MEGF10: variants seen among roughly 807,000 people sequenced by gnomAD.
MEGF10 encodes multiple EGF like domains 10, also known as multiple epidermal growth factor-like domains protein 10.
A neutral mutation model predicts 147.5 loss-of-function variants in MEGF10; 86 were observed. The ratio of observed to expected loss-of-function variants is 0.58; its 90% confidence interval spans 0.49 to 0.70. The LOEUF (loss-of-function observed/expected upper bound fraction) is 0.70, where lower values mean the gene tolerates loss of function less well. Ranked by LOEUF, MEGF10 falls within the 30% of genes least tolerant of loss-of-function variation. The pLI, the probability that MEGF10 is intolerant of heterozygous loss-of-function variation, is 0.00. For missense variants in MEGF10, 1,329 were observed against 1,487.3 expected (o/e 0.89, Z 1.75); for synonymous variants, 478 against 525.5 (o/e 0.91, Z 1.24).
At chr5:127,379,807 C>T (rs1222961097) in intron 5 of MEGF10, among the ~76,000 whole-genome samples, 7 of 151,914 alleles carry the variant, frequency 4.6e-5, no homozygotes, top group African/African-American at 1.7e-4. Flanking sequence ...ACCATGTTGG[C>T]CAGGCTGGTC....
upstream of MEGF10, among the ~76,000 whole-genome samples, chr5:127,285,863 A>T (rs1016042760): frequency 2.0e-5 from 3 of 152,148 alleles, no homozygotes; most frequent in African/African-American, 7.2e-5. Flanking sequence ...CCTGTGCCCC[A>T]TGCTTATTGC....
At chr5:127,455,328 C>T in intron 23 of MEGF10, 73 bp from the exon 24 acceptor site, 2 of 1,268,178 alleles carry the variant, frequency 1.6e-6, no homozygotes, top group Admixed American at 2.0e-5. Context: ...TAAAGAAAAA[C>T]AGTAAAATAT....
At chr5:127,241,227 T>A in the MEGF10 span, among the ~76,000 whole-genome samples, 1 of 152,162 alleles carries the variant, frequency 6.6e-6, no homozygotes, top group African/African-American at 2.4e-5. Context: ...CAAATTAACT[T>A]AAGCAACAAA....
intron 1 of MEGF10, among the ~76,000 whole-genome samples, chr5:127,330,513 C>A (rs1046381303): frequency 6.6e-6 from 1 of 152,144 alleles, no homozygotes; most frequent in Non-Finnish European, 1.5e-5. Flanking sequence ...CTTTGCCAGC[C>A]TATCTATTTT....
chr5:127,255,156 G>A, the MEGF10 span, among the ~76,000 whole-genome samples: 19 of 151,992 alleles, frequency 1.3e-4, no homozygotes, highest in African/African-American at 4.3e-4. Flanking sequence ...TGAATCATGA[G>A]TCACAGGTCC....
At chr5:127,256,717 C>T in the MEGF10 span, among the ~76,000 whole-genome samples, 1 of 152,098 alleles carries the variant, frequency 6.6e-6, no homozygotes, top group Admixed American at 6.6e-5. Context: ...TAACTTATAT[C>T]ACATGGTCTA....
chr5:127,357,253 C>T (rs1052080463), intron 4 of MEGF10, among the ~76,000 whole-genome samples: 26 of 152,132 alleles, frequency 1.7e-4, no homozygotes, highest in African/African-American at 5.8e-4. Flanking sequence ...TTCTAGACCT[C>T]TCCCCCAAAT....
the MEGF10 span, among the ~76,000 whole-genome samples, chr5:127,239,519 T>C: frequency 1.3e-5 from 2 of 148,256 alleles, no homozygotes; most frequent in African/African-American, 4.9e-5. Context: ...GTATATACTT[T>C]ATATATATAT....
intron 4 of MEGF10, among the ~76,000 whole-genome samples, chr5:127,359,402 C>T (rs770054597): frequency 1.3e-5 from 2 of 151,748 alleles, no homozygotes; most frequent in Non-Finnish European, 2.9e-5. Flanking sequence ...ATACAATAAG[C>T]TGCACATTTT....
intron 5 of MEGF10, among the ~76,000 whole-genome samples, chr5:127,395,631 G>A (rs189635482): frequency 1.3e-4 from 17 of 132,254 alleles, no homozygotes; most frequent in Non-Finnish European, 2.0e-4. Context: ...TGCCAGCTCC[G>A]CCTCCCGGGT....
chr5:127,400,591 A>T (rs1174390521), intron 7 of MEGF10, among the ~76,000 whole-genome samples: 1 of 152,250 alleles, frequency 6.6e-6, no homozygotes, highest in Non-Finnish European at 1.5e-5. Context: ...CAGAGTGTTG[A>T]GAACTCCATG....
chr5:127,420,342 G>C (rs1206699376), intron 12 of MEGF10, 135 bp downstream of exon 12: 1 of 936,256 alleles, frequency 1.1e-6, no homozygotes, highest in South Asian at 1.8e-5. Context: ...GAAGAATCCA[G>C]GTATTTGGAT....
chr5:127,367,270 G>C (rs1380652702), intron 4 of MEGF10, among the ~76,000 whole-genome samples: 1 of 152,132 alleles, frequency 6.6e-6, no homozygotes, highest in Non-Finnish European at 1.5e-5. Flanking sequence ...AGTGAATTGA[G>C]ACCTGTCCAT....
At chr5:127,449,784 T>C (rs1034437695) in intron 22 of MEGF10, among the ~76,000 whole-genome samples, 2 of 152,126 alleles carry the variant, frequency 1.3e-5, no homozygotes, top group African/African-American at 4.8e-5. Context: ...TCGGGCAACT[T>C]TTTGAAATTA....
chr5:127,322,957 CACATACAATGTGTGTATAT>C (rs1458048627), intron 1 of MEGF10, among the ~76,000 whole-genome samples: 2 of 152,056 alleles, frequency 1.3e-5, no homozygotes, highest in African/African-American at 4.8e-5. Context: ...TGTGTGTATA[CACATACAATGTGTGTATAT>C]ATATATACAT....
chr5:127,338,702 T>C (rs1317802407), intron 2 of MEGF10, among the ~76,000 whole-genome samples: 1 of 152,152 alleles, frequency 6.6e-6, no homozygotes, highest in African/African-American at 2.4e-5. Context: ...ACTCTATTAC[T>C]TTACTTGAAT....
chr5:127,299,644 T>G (rs1378782128), intron 1 of MEGF10, among the ~76,000 whole-genome samples: 1 of 152,238 alleles, frequency 6.6e-6, no homozygotes, highest in Non-Finnish European at 1.5e-5. Context: ...TGAAAAAGTA[T>G]GTCATTCATT....
intron 4 of MEGF10, among the ~76,000 whole-genome samples, chr5:127,349,337 A>AT (rs937109809): frequency 2.0e-5 from 3 of 152,080 alleles, no homozygotes; most frequent in Non-Finnish European, 4.4e-5. Context: ...CTTGATATTT[A>AT]TTTTTATACG....
At chr5:127,421,959 G>A (rs1223661909) in intron 12 of MEGF10, among the ~76,000 whole-genome samples, 95 of 142,292 alleles carry the variant, frequency 6.7e-4, no homozygotes, top group African/African-American at 2.2e-3. Context: ...ACTGCCGTCC[G>A]GCCTGGGTGA....
Sources: allele counts gnomAD v4.1 joint callset (sites outside exome capture counted in the v4.1 genomes callset), GRCh38; gene constraint gnomAD v4.1.1; transcripts MANE v1.5; gene names NCBI Gene and HGNC (gene_info 2026-07-23, HGNC 2026-07-21).